Variants in AKAP6 observed in about 807,000 individuals in gnomAD.
AKAP6 encodes A-kinase anchoring protein 6.
AKAP6 carries 58 observed loss-of-function variants against 188.5 expected under a neutral mutation model. That is an observed-to-expected ratio of 0.31 (90% CI 0.25 to 0.38). AKAP6 has a LOEUF of 0.38. Ranked by LOEUF, AKAP6 falls within the 10% of genes least tolerant of loss-of-function variation. The probability of loss-of-function intolerance (pLI) is 1.00; values close to 1 mark genes in which losing one functional copy is unlikely to be tolerated. For synonymous variants in AKAP6, 989 were observed against 998.6 expected (o/e 0.99, Z 0.18); for missense variants, 2,710 against 2,740.0 (o/e 0.99, Z 0.24).
intron 1 of AKAP6, among the ~76,000 whole-genome samples, chr14:32,343,769 A>AAAG (rs1555319066): frequency 7.9e-5 from 12 of 151,076 alleles, no homozygotes; most frequent in African/African-American, 2.9e-4. Flanking sequence ...AAAAAAAAAA[A>AAAG]AAAGAAATTA....
At chr14:32,588,027 A>G (rs1885326111) in intron 5 of AKAP6, among the ~76,000 whole-genome samples, 1 of 152,234 alleles carries the variant, frequency 6.6e-6, no homozygotes, top group South Asian at 2.1e-4. Flanking sequence ...AAAGAAAAAC[A>G]TTAAATTATA....
rs1216788649 is a variant in AKAP6 at position 32,540,131 on chromosome 14, GCTCTCTCTCTCT to G, written c.576+4353_576+4364del. ...AAGGAGGGGTGTTCTTTGCTCGTGC[GCTCTCTCTCTCT>G]CTCTCTCTCTCTCTCTCTCTCTCTC... On this transcript the variant is annotated intron_variant, in intron 3 of 13. Transcript: ENST00000280979. Among the ~76,000 whole-genome samples, 82 of 66,476 alleles carry G rather than the reference GCTCTCTCTCTCT, an allele frequency of 1.2e-3. 1 individual carries two copies. The highest frequency in any genetic ancestry group is 0.012 in the East Asian group (32 of 2,662). The allele number at this position is 66,476 out of a possible 152,430, so 43.6% of individuals were successfully genotyped here. A position where few individuals can be genotyped will look rare whatever the true frequency, so the allele number is the denominator to read the frequency against.
intron 2 of AKAP6, among the ~76,000 whole-genome samples, chr14:32,477,932 A>G (rs955895887): frequency 7.2e-6 from 1 of 139,068 alleles, no homozygotes; most frequent in Non-Finnish European, 1.6e-5. Context: ...GTTAGATAGT[A>G]TTTGTGAAAT....
chr14:32,528,059 C>T (rs1392559560), intron 2 of AKAP6, among the ~76,000 whole-genome samples: 1 of 150,416 alleles, frequency 6.6e-6, no homozygotes, highest in African/African-American at 2.5e-5. Flanking sequence ...TCTATGATAT[C>T]TTATAGGATT....
At chr14:32,776,367 T>TATAAA in intron 12 of AKAP6, among the ~76,000 whole-genome samples, 1 of 152,326 alleles carries the variant, frequency 6.6e-6, no homozygotes, top group African/African-American at 2.4e-5. Context: ...GGAAACCCCT[T>TATAAA]TCACTTGGTT....
intron 2 of AKAP6, among the ~76,000 whole-genome samples, chr14:32,496,899 A>G (rs1228672739): frequency 6.6e-6 from 1 of 152,226 alleles, no homozygotes; most frequent in Non-Finnish European, 1.5e-5. Context: ...GTTAAAAAGT[A>G]GATCATCCAG....
intron 3 of AKAP6, among the ~76,000 whole-genome samples, chr14:32,540,858 TG>T (rs1223140326): frequency 6.7e-6 from 1 of 150,310 alleles, no homozygotes; most frequent in Non-Finnish European, 1.5e-5. Context: ...GGTTTTGCTT[TG>T]TTTTTTTTTT....
chr14:32,475,493 G>A (rs1879013124), intron 2 of AKAP6, among the ~76,000 whole-genome samples: 1 of 152,124 alleles, frequency 6.6e-6, no homozygotes, highest in Non-Finnish European at 1.5e-5. Flanking sequence ...ACTGATGGCA[G>A]GTGCATATTG....
intron 1 of AKAP6, among the ~76,000 whole-genome samples, chr14:32,363,149 A>G (rs1887719118): frequency 6.6e-6 from 1 of 152,136 alleles, no homozygotes; most frequent in African/African-American, 2.4e-5. Context: ...AACCCCTACC[A>G]ATAACTGACC....
rs537684390 is a variant in AKAP6, at chr14:32,791,723, A to G, written c.3588+17830A>G. Among the ~76,000 whole-genome samples, 120 of 152,178 alleles carry G rather than the reference A, an allele frequency of 7.9e-4. 1 individual carries two copies. The South Asian group carries it at 0.018, about 23-fold the overall frequency. ...GCCTATGTCCTGAATGATATTGCCT[A>G]GGTTTTCTTCTAGGGTTTTTATGGT... On this transcript the variant is annotated intron_variant, in intron 12 of 13. Transcript: ENST00000280979.
At chr14:32,712,798 T>C (rs1390439489) in intron 9 of AKAP6, among the ~76,000 whole-genome samples, 1 of 152,118 alleles carries the variant, frequency 6.6e-6, no homozygotes, top group Non-Finnish European at 1.5e-5. Context: ...ACTGAAGTGT[T>C]GAACCCCTCA....
chr14:32,456,765 ACT>A (rs149525394), intron 2 of AKAP6, among the ~76,000 whole-genome samples: 3,906 of 152,074 alleles, frequency 0.026, 54 homozygotes, highest in East Asian at 0.078. Flanking sequence ...CCCAAATATA[ACT>A]CTTAATGGAC....
chr14:32,788,605 C>G (rs946751156), intron 12 of AKAP6, among the ~76,000 whole-genome samples: 2 of 149,340 alleles, frequency 1.3e-5, no homozygotes, highest in African/African-American at 4.9e-5. Context: ...AGTGAGTGAG[C>G]GTGCAACCCC....
At chr14:32,640,183 G>A (rs1887694338) in intron 7 of AKAP6, among the ~76,000 whole-genome samples, 1 of 151,878 alleles carries the variant, frequency 6.6e-6, no homozygotes, top group South Asian at 2.1e-4. Flanking sequence ...GGAAAAATAA[G>A]ATCTGTAGCT....
At chr14:32,493,277 G>A (rs1880134081) in intron 2 of AKAP6, among the ~76,000 whole-genome samples, 2 of 152,048 alleles carry the variant, frequency 1.3e-5, no homozygotes, top group South Asian at 4.2e-4. Flanking sequence ...TGCGATCACG[G>A]TGCACTGCAG....
At chr14:32,665,647 T>A (rs1888902400) in intron 7 of AKAP6, among the ~76,000 whole-genome samples, 1 of 152,022 alleles carries the variant, frequency 6.6e-6, no homozygotes, top group Admixed American at 6.6e-5. Context: ...GGGAGAGTCT[T>A]AAGACTCACA....
intron 1 of AKAP6, among the ~76,000 whole-genome samples, chr14:32,409,051 T>G (rs961844979): frequency 6.6e-6 from 1 of 152,030 alleles, no homozygotes; most frequent in South Asian, 2.1e-4. Context: ...AATACAAAAA[T>G]TAGCCAGGCA....
chr14:32,469,405 A>G (rs1253158792), intron 2 of AKAP6, among the ~76,000 whole-genome samples: 1 of 152,228 alleles, frequency 6.6e-6, no homozygotes, highest in Non-Finnish European at 1.5e-5. Context: ...ATTATTTGAC[A>G]TATTAAACTA....
At position 32,759,435 on chromosome 14, in the gene AKAP6, G is replaced by A. The variant is rs527495876; in HGVS notation, c.3373-14243G>A. 3.4e-4 allele frequency among the ~76,000 whole-genome samples: 51 copies of A among 152,150 alleles called. 1 individual carries two copies. Among genetic ancestry groups the A allele is most frequent in the South Asian group, 2.9e-3 (14 of 4,812 alleles). Reference sequence around the variant, plus strand: ...TTGGGAGAAATGACTTTTAGGAAATGGAAGGATGTTTCAAGACCCATTTAC... The same window carrying A: ...TTGGGAGAAATGACTTTTAGGAAATAGAAGGATGTTTCAAGACCCATTTAC... On this transcript the variant is annotated intron_variant, in intron 11 of 13. Coordinates refer to ENST00000280979, the MANE Select transcript of AKAP6 (RefSeq NM_004274.5).
Sources: allele counts gnomAD v4.1 joint callset (sites outside exome capture counted in the v4.1 genomes callset), GRCh38; gene constraint gnomAD v4.1.1; transcripts MANE v1.5; gene names NCBI Gene and HGNC (gene_info 2026-07-23, HGNC 2026-07-21).